EIF2D: variants seen among roughly 807,000 people sequenced by gnomAD.
The protein encoded by EIF2D is hepatocellular carcinoma-associated antigen 56.
In EIF2D, 56 loss-of-function variants were observed where a neutral mutation model predicts 77.4. The ratio of observed to expected loss-of-function variants is 0.72; its 90% confidence interval spans 0.58 to 0.90. The LOEUF (loss-of-function observed/expected upper bound fraction) is 0.90. EIF2D is among the 40% of genes least tolerant of loss of function. The pLI is 0.00. For missense variants in EIF2D, 574 were observed against 706.5 expected (o/e 0.81, Z 2.13); for synonymous variants, 230 against 271.0 (o/e 0.85, Z 1.49).
intron 6 of EIF2D, 73 bp from the exon 7 acceptor site, chr1:206,602,526 G>A: frequency 7.6e-7 from 1 of 1,322,048 alleles, no homozygotes; most frequent in Non-Finnish European, 1.1e-6. Flanking sequence ...ACGACCCCCA[G>A]CTTCATCCCT....
At chr1:206,609,592 G>C (rs1334214879) in intron 2 of EIF2D, 133 bp from the exon 3 acceptor site, 1 of 661,158 alleles carries the variant, frequency 1.5e-6, no homozygotes, top group East Asian at 2.8e-5. Context: ...AGAGAAGGTT[G>C]TAAGGGGATG....
rs1397565428 is a variant in EIF2D, at chr1:206,599,049, T to C, written c.1246A>G (p.Ile416Val). The stretch of plus-strand genomic sequence containing the variant: ...AGGTCATTTTTCTTGGCGTAGTTAA[T>C]GACGATCGTTCGGACCTCACTGCCC... ...LEGSEVRTIV[I>V]NYAKKNDLVD... is the part of the protein sequence containing the mutation. Residue 416 changes from isoleucine (I) to valine (V), a missense_variant, in exon 11 of 15, where the codon ATT (isoleucine) becomes GTT (valine). Ile to Val is a conservative substitution (Grantham distance 29). Coordinates refer to ENST00000271764, the MANE Select transcript of EIF2D (RefSeq NM_006893.3). This position sits in a 1 kb window ranked among gnomAD's most constrained non-coding sequence, Gnocchi z 4.1. 7 of 1,614,084 alleles carry C rather than the reference T, an allele frequency of 4.3e-6. No individual in the cohort carries two copies. In the African/African-American group the frequency reaches 8.0e-5, roughly 18 times the overall value.
intron 14 of EIF2D, 115 bp downstream of exon 14, chr1:206,593,504 A>ACAGTGTGTGT (rs1669476124): frequency 2.6e-6 from 1 of 391,278 alleles, no homozygotes; most frequent in Non-Finnish European, 3.9e-6. Flanking sequence ...AGAGAGAGAG[A>ACAGTGTGTGT]GAGAGTGTGT....
intron 14 of EIF2D, 72 bp from the exon 15 acceptor site, chr1:206,591,917 C>T: frequency 2.8e-6 from 4 of 1,454,376 alleles, no homozygotes; most frequent in Middle Eastern, 1.8e-4. Flanking sequence ...CACCAGTCCC[C>T]GTTGCCTCAC....
rs186984628 is a variant in EIF2D at position 206,573,343 on chromosome 1, C to T, written c.*255-644G>A. 3.3e-4 allele frequency among the ~76,000 whole-genome samples: 50 copies of T among 152,292 alleles called. 1 individual carries two copies. In the East Asian group the frequency reaches 8.9e-3, roughly 27 times the overall value. ...AGGCATATAGATTTTCTGACTTTCTCAAGACCATGTAGTGAGTAATAGGAG... is the reference window on the plus strand; with the variant it reads ...AGGCATATAGATTTTCTGACTTTCTTAAGACCATGTAGTGAGTAATAGGAG... On this transcript the variant is annotated intron_variant and NMD_transcript_variant, in intron 4 of 5. Coordinates refer to the EIF2D transcript ENST00000472709.
Position 206,585,381 on chromosome 1 carries a change from G to C in EIF2D, c.139-4219C>G, listed in dbSNP as rs886935216. On this transcript the variant is annotated intron_variant and NMD_transcript_variant, in intron 2 of 5. Transcript: ENST00000472709. Reference sequence around the variant, plus strand: ...GTGTTGTCCTAACTACCTCACATAGGTGGGAGCCACGCAGCACGGGCAGGA... The same window carrying C: ...GTGTTGTCCTAACTACCTCACATAGCTGGGAGCCACGCAGCACGGGCAGGA... 16 of 946,906 alleles carry C rather than the reference G, an allele frequency of 1.7e-5. No individual in the cohort carries two copies. The African/African-American group carries it at 2.6e-4, about 15-fold the overall frequency. The allele number at this position is 946,906 out of a possible 1,614,324, so 58.7% of individuals were successfully genotyped here. A position where few individuals can be genotyped will look rare whatever the true frequency, so the allele number is the denominator to read the frequency against.
intron 5 of EIF2D, among the ~76,000 whole-genome samples, chr1:206,604,196 A>G (rs572307059): frequency 1.2e-4 from 18 of 152,152 alleles, no homozygotes; most frequent in Non-Finnish European, 2.4e-4. Flanking sequence ...TAATCTCAGC[A>G]CTTTGGGAGG....
chr1:206,583,311 C>T, intron 2 of EIF2D: 2 of 1,613,956 alleles, frequency 1.2e-6, no homozygotes, highest in Non-Finnish European at 1.7e-6. Flanking sequence ...CCCGCCCACA[C>T]TGCAGGAGAT....
At chr1:206,585,085 G>A (rs556937428) in intron 2 of EIF2D, 19 of 850,510 alleles carry the variant, frequency 2.2e-5, no homozygotes, top group African/African-American at 1.2e-4. Context: ...CCAGTTGTAC[G>A]TACCCCACCT....
At chr1:206,587,379 C>T, downstream of EIF2D, 1 of 316,870 alleles carries the variant, frequency 3.2e-6, no homozygotes, top group Non-Finnish European at 6.1e-6. Context: ...AGTTCTCTTA[C>T]TTGCCACGTA....
At chr1:206,593,494 A>AGCGC in intron 14 of EIF2D, 125 bp downstream of exon 14, 2 of 435,444 alleles carry the variant, frequency 4.6e-6, no homozygotes, top group African/African-American at 6.8e-5. Context: ...AGAGCGAGAG[A>AGCGC]GAGAGAGAGA....
At chr1:206,594,306 C>G (rs1374871504) in intron 13 of EIF2D, 1 of 152,196 alleles carries the variant, frequency 6.6e-6, no homozygotes, top group East Asian at 1.9e-4. Flanking sequence ...CATCATCACA[C>G]CTAAAAATAA....
At position 206,584,362 on chromosome 1, in the gene EIF2D, C is replaced by T. The variant is rs782137327; in HGVS notation, c.139-3200G>A. Reference sequence around the variant, plus strand: ...TCATGCAAGGCGGACGGCCCTGACCCCCTGTGACATGCCCCCGCTGGCAGA... The same window carrying T: ...TCATGCAAGGCGGACGGCCCTGACCTCCTGTGACATGCCCCCGCTGGCAGA... On this transcript the variant is annotated intron_variant and NMD_transcript_variant, in intron 2 of 5. Coordinates refer to the EIF2D transcript ENST00000472709. The surrounding 1 kb of genome is among the most constrained non-coding windows in gnomAD (Gnocchi z 4.9). 6.3e-7 allele frequency: 1 copy of T among 1,593,154 alleles called. No homozygotes were observed. Among genetic ancestry groups the T allele is most frequent in the Non-Finnish European group, 8.6e-7 (1 of 1,168,730 alleles).
In EIF2D at chr1:206,584,291, G is replaced by A; in HGVS notation, c.139-3129C>T. The A allele has an allele frequency of 8.2e-7, 1 of 1,221,864 alleles. No homozygotes were observed. The highest frequency in any genetic ancestry group is 1.1e-6 in the Non-Finnish European group (1 of 878,750). 75.7% of individuals were successfully genotyped at this position (1,221,864 alleles called of 1,614,324 possible). A position where few individuals can be genotyped will look rare whatever the true frequency, so the allele number is the denominator to read the frequency against. The stretch of plus-strand genomic sequence containing the variant: ...GCAGAGGCAGGAAAGAACTCAAGGA[G>A]ACAGGTGGGTGCTGCTGGGGCAATG... On this transcript the variant is annotated intron_variant and NMD_transcript_variant, in intron 2 of 5. Transcript: ENST00000472709. The surrounding 1 kb of genome is among the most constrained non-coding windows in gnomAD (Gnocchi z 4.9).
chr1:206,605,879 T>C (rs947372309), intron 4 of EIF2D, among the ~76,000 whole-genome samples: 3 of 152,190 alleles, frequency 2.0e-5, no homozygotes, highest in Admixed American at 6.5e-5. Context: ...AAAGAAGTCA[T>C]AGCCATCCCA....
Position 206,573,721 on chromosome 1 carries a change from T to C in EIF2D, c.*255-1022A>G, listed in dbSNP as rs145722156. On this transcript the variant is annotated intron_variant and NMD_transcript_variant, in intron 4 of 5. Transcript: ENST00000472709. Reference sequence around the variant, plus strand: ...TGGATGGTCTACTTGGAAGTTAATATAAGTAGCCAGGCGTAGTGGCTCACG... The same window carrying C: ...TGGATGGTCTACTTGGAAGTTAATACAAGTAGCCAGGCGTAGTGGCTCACG... Among the ~76,000 whole-genome samples the C allele has an allele frequency of 4.4e-3, 666 of 152,236 alleles. 3 individuals are homozygous for C. Among genetic ancestry groups the C allele is most frequent in the African/African-American group, 0.015 (641 of 41,552 alleles).
At chr1:206,605,341 C>T in intron 5 of EIF2D, 59 bp downstream of exon 5, 1 of 1,362,476 alleles carries the variant, frequency 7.3e-7, no homozygotes, top group Non-Finnish European at 1.0e-6. Flanking sequence ...GAATCACAGG[C>T]CCCATCCTCT....
chr1:206,578,173 T>C (rs974854434), intron 4 of EIF2D, among the ~76,000 whole-genome samples: 5 of 151,632 alleles, frequency 3.3e-5, no homozygotes, highest in Non-Finnish European at 7.4e-5. Flanking sequence ...CTGCAGTGAG[T>C]TGTGATTGCA....
At chr1:206,583,814 C>A in intron 2 of EIF2D, 1 of 191,480 alleles carries the variant, frequency 5.2e-6, no homozygotes, top group Non-Finnish European at 1.1e-5. Flanking sequence ...TTGGGAAAGG[C>A]TGTCTTCAAT....
Sources: allele counts gnomAD v4.1 joint callset (sites outside exome capture counted in the v4.1 genomes callset), GRCh38; gene constraint gnomAD v4.1.1; non-coding constraint Gnocchi (gnomAD v3.1); transcripts MANE v1.5; gene names NCBI Gene and HGNC (gene_info 2026-07-23, HGNC 2026-07-21).